The following CFAP299 variants were observed in gnomAD, a reference collection of about 807,000 sequenced individuals.
The protein encoded by CFAP299 is cilia- and flagella-associated protein 299.
CFAP299 carries 21 observed loss-of-function variants against 27.0 expected under a neutral mutation model. The ratio of observed to expected loss-of-function variants is 0.78; its 90% CI spans 0.55 to 1.12. The LOEUF (loss-of-function observed/expected upper bound fraction) is 1.12, where lower values mean the gene tolerates loss of function less well. Among genes scored for constraint, CFAP299 ranks in the 50% most tolerant of loss-of-function variants. The pLI, the probability that CFAP299 is intolerant of heterozygous loss-of-function variation, is 0.00. For synonymous variants in CFAP299, 104 were observed against 98.1 expected (o/e 1.06, Z -0.36); for missense variants, 310 against 276.6 (o/e 1.12, Z -0.86).
intron 2 of CFAP299, among the ~76,000 whole-genome samples, chr4:80,410,735 G>A (rs1000650854): frequency 2.0e-5 from 3 of 152,182 alleles, no homozygotes; most frequent in African/African-American, 7.2e-5. Flanking sequence ...TCACTGGGTG[G>A]TGGTGTGTTT....
intron 4 of CFAP299, among the ~76,000 whole-genome samples, chr4:80,897,169 A>T (rs1359363697): frequency 6.6e-6 from 1 of 152,222 alleles, no homozygotes; most frequent in Non-Finnish European, 1.5e-5. Context: ...TAAGACACAT[A>T]GAAAAACAGC....
At chr4:80,336,066 C>T (rs1722125478) in intron 1 of CFAP299, among the ~76,000 whole-genome samples, 187 bp downstream of exon 1, 1 of 152,220 alleles carries the variant, frequency 6.6e-6, no homozygotes, top group Admixed American at 6.5e-5. Context: ...CCGCGCTCCC[C>T]GGTCCGGACA....
chr4:80,442,914 A>AAC (rs1728430926), intron 2 of CFAP299, among the ~76,000 whole-genome samples: 1 of 152,144 alleles, frequency 6.6e-6, no homozygotes, highest in African/African-American at 2.4e-5. Flanking sequence ...AACACCTCTA[A>AAC]ACAAGTAAAC....
rs183331229 is a variant in CFAP299, at chr4:80,384,472, A to C, written c.242+21588A>C. On this transcript the variant is annotated intron_variant, in intron 2 of 5. Coordinates refer to ENST00000358105, the MANE Select transcript of CFAP299 (RefSeq NM_152770.3). ...TTGTAATTTTTAAATGAAACTGTCA[A>C]GTTATACCATTGACACAAAGAACTT... Among the ~76,000 whole-genome samples, 82 of 152,348 alleles carry C rather than the reference A, an allele frequency of 5.4e-4. 1 individual carries two copies. Among genetic ancestry groups the C allele is most frequent in the Non-Finnish European group, 5.0e-4 (34 of 68,010 alleles).
chr4:80,378,760 G>C (rs1355118660), intron 2 of CFAP299, among the ~76,000 whole-genome samples: 1 of 151,926 alleles, frequency 6.6e-6, no homozygotes, highest in African/African-American at 2.4e-5. Context: ...TGCATTCATG[G>C]GAGAAACCCA....
chr4:80,437,868 C>T (rs1457110234), intron 2 of CFAP299, among the ~76,000 whole-genome samples: 1 of 152,190 alleles, frequency 6.6e-6, no homozygotes, highest in Non-Finnish European at 1.5e-5. Context: ...GCTTATAGCA[C>T]TATTGTTGTT....
chr4:80,436,097 C>G (rs997480955), intron 2 of CFAP299, among the ~76,000 whole-genome samples: 4 of 152,126 alleles, frequency 2.6e-5, no homozygotes, highest in Non-Finnish European at 5.9e-5. Context: ...GCAACGTGGA[C>G]AGACTGTGGC....
intron 1 of CFAP299, among the ~76,000 whole-genome samples, chr4:80,352,366 G>A (rs1302207895): frequency 4.6e-5 from 7 of 152,076 alleles, no homozygotes; most frequent in African/African-American, 7.2e-5. Flanking sequence ...TCAGGAGTTC[G>A]AGACCAGCCT....
intron 2 of CFAP299, among the ~76,000 whole-genome samples, chr4:80,445,184 A>G (rs1190574107): frequency 3.3e-5 from 5 of 152,230 alleles, no homozygotes; most frequent in Non-Finnish European, 7.3e-5. Flanking sequence ...GTGTATACCC[A>G]AAGGATTATA....
At chr4:80,942,910 A>T (rs1407467630) in intron 4 of CFAP299, among the ~76,000 whole-genome samples, 1 of 152,234 alleles carries the variant, frequency 6.6e-6, no homozygotes, top group Non-Finnish European at 1.5e-5. Context: ...ATTATGAATT[A>T]AACTGAATTA....
chr4:80,683,035 C>G (rs1719941451), intron 3 of CFAP299, among the ~76,000 whole-genome samples: 1 of 152,212 alleles, frequency 6.6e-6, no homozygotes, highest in Admixed American at 6.5e-5. Flanking sequence ...TCTCATTAAT[C>G]CCATTTTTCT....
chr4:80,409,157 C>T (rs139151652), intron 2 of CFAP299, among the ~76,000 whole-genome samples: 4 of 151,624 alleles, frequency 2.6e-5, no homozygotes, highest in African/African-American at 7.3e-5. Flanking sequence ...TAGGTATTTT[C>T]ATGAAGGTAA....
intron 3 of CFAP299, among the ~76,000 whole-genome samples, chr4:80,695,741 T>C (rs1367089098): frequency 6.7e-6 from 1 of 150,126 alleles, no homozygotes; most frequent in Non-Finnish European, 1.5e-5. Context: ...GGCATAATCA[T>C]GGCTCACTGC....
intron 4 of CFAP299, among the ~76,000 whole-genome samples, chr4:80,887,276 C>T (rs1734019352): frequency 6.6e-6 from 1 of 152,162 alleles, no homozygotes; most frequent in South Asian, 2.1e-4. Context: ...TACCTAAAGA[C>T]ATTTAATAAT....
At position 80,731,848 on chromosome 4, in the gene CFAP299, T is replaced by C. The variant is rs562278151; in HGVS notation, c.334-138145T>C. ...ACAGAATTCTAGAAAATCCCTGATT[T>C]AAAAAAATCTCACCAACCCTCAACA... is the stretch of plus-strand genomic sequence containing the variant. On this transcript the variant is annotated intron_variant, in intron 3 of 5. Transcript: ENST00000358105. Among the ~76,000 whole-genome samples, 7 of 152,276 alleles carry C rather than the reference T, an allele frequency of 4.6e-5. 1 individual carries two copies. The South Asian group carries it at 1.0e-3, about 23-fold the overall frequency.
Position 80,753,690 on chromosome 4 carries a change from T to G in CFAP299, c.334-116303T>G, listed in dbSNP as rs372021125. ...GCTTTGTTGTTTATTTTTTCCCTCC[T>G]CTTTGCTCTTCAGTTTGGGACATTT... is the stretch of plus-strand genomic sequence containing the variant. On this transcript the variant is annotated intron_variant, in intron 3 of 5. Coordinates refer to ENST00000358105, the MANE Select transcript of CFAP299 (RefSeq NM_152770.3). Among the ~76,000 whole-genome samples, 97 of 152,294 alleles carry G rather than the reference T, an allele frequency of 6.4e-4. 3 individuals are homozygous for G. In the South Asian group the frequency reaches 0.019, roughly 30 times the overall value.
rs140891657 is a variant in CFAP299 at position 80,471,726 on chromosome 4, C to T, written c.242+108842C>T. Among the ~76,000 whole-genome samples the T allele has an allele frequency of 3.0e-4, 46 of 152,190 alleles. No homozygotes were observed. The East Asian group carries it at 8.5e-3, about 28-fold the overall frequency. ...AGCCATTTAAATTGAGGATTATTAA[C>T]ATGTGAAATAAGGTGTATCAATTTT... is the stretch of plus-strand genomic sequence containing the variant. On this transcript the variant is annotated intron_variant, in intron 2 of 5. Transcript: ENST00000358105.
intron 3 of CFAP299, among the ~76,000 whole-genome samples, chr4:80,753,621 A>T (rs1725062346): frequency 6.6e-6 from 1 of 152,140 alleles, no homozygotes; most frequent in African/African-American, 2.4e-5. Flanking sequence ...AATTCCTGTT[A>T]CACATACGTT....
At chr4:80,942,879 G>A (rs1737270412) in intron 4 of CFAP299, among the ~76,000 whole-genome samples, 1 of 152,144 alleles carries the variant, frequency 6.6e-6, no homozygotes, top group Admixed American at 6.6e-5. Context: ...TCAGTAATAT[G>A]GATATCAAAG....
Sources: gnomAD v4.1 joint callset for allele counts (sites outside exome capture counted in the v4.1 genomes callset) on GRCh38, gnomAD v4.1.1 for gene constraint, MANE v1.5 for transcripts, NCBI Gene and HGNC (gene_info 2026-07-23, HGNC 2026-07-21) for gene names.